The following FGF14 variants were observed in gnomAD, a reference collection of about 807,000 sequenced individuals.
FGF14 encodes fibroblast growth factor 14.
Under a neutral mutation model 25.5 loss-of-function variants are expected in FGF14, and 5 were observed. The ratio of observed to expected loss-of-function variants is 0.20; its 90% CI spans 0.10 to 0.41. The LOEUF (loss-of-function observed/expected upper bound fraction) is 0.41. Ranked by LOEUF, FGF14 falls within the 10% of genes least tolerant of loss-of-function variation. The pLI is 1.00. For synonymous variants in FGF14, 138 were observed against 118.3 expected, an observed-to-expected ratio of 1.17 and a Z score of -1.08; for missense variants, 222 against 320.1, an observed-to-expected ratio of 0.69 and a Z score of 2.34.
chr13:102,374,831 A>G (rs10162083), intron 1 of FGF14, among the ~76,000 whole-genome samples: 3,851 of 151,380 alleles, frequency 0.025, 176 homozygotes, highest in African/African-American at 0.089. Context: ...AAGTGATTCA[A>G]GAGATATAGG....
chr13:102,263,114 T>A, intron 1 of FGF14: 2 of 628,092 alleles, frequency 3.2e-6, no homozygotes, highest in South Asian at 2.8e-5. Flanking sequence ...AGTTTTCGTC[T>A]AAATCCACTG....
intron 2 of FGF14, among the ~76,000 whole-genome samples, chr13:101,869,128 CATTA>C (rs1409998379): frequency 2.0e-5 from 3 of 152,156 alleles, no homozygotes; most frequent in Admixed American, 1.3e-4. Flanking sequence ...TCTCTGACAC[CATTA>C]GATACCAAAA....
intron 1 of FGF14, among the ~76,000 whole-genome samples, chr13:101,997,588 G>A (rs2039252110): frequency 6.6e-6 from 1 of 152,182 alleles, no homozygotes; most frequent in Non-Finnish European, 1.5e-5. Context: ...TTCTGATTCA[G>A]TAGGTCTGGG....
At chr13:102,256,626 A>G (rs2052453392) in intron 1 of FGF14, among the ~76,000 whole-genome samples, 1 of 152,218 alleles carries the variant, frequency 6.6e-6, no homozygotes, top group Admixed American at 6.5e-5. Context: ...CTAAAGAGTT[A>G]ACACATCTTC....
intron 3 of FGF14, among the ~76,000 whole-genome samples, chr13:101,812,827 C>G (rs1311634050): frequency 6.6e-6 from 1 of 151,172 alleles, no homozygotes; most frequent in East Asian, 2.0e-4. Context: ...CCACCACACC[C>G]AGCTACTTTT....
chr13:101,854,820 G>A (rs1419062863), intron 3 of FGF14, among the ~76,000 whole-genome samples: 2 of 151,974 alleles, frequency 1.3e-5, no homozygotes, highest in Non-Finnish European at 2.9e-5. Context: ...CCTTTGAAGA[G>A]TTAAAAATAT....
chr13:102,326,686 A>G (rs1261196968), intron 1 of FGF14, among the ~76,000 whole-genome samples: 1 of 59,482 alleles, frequency 1.7e-5, no homozygotes, highest in African/African-American at 8.1e-5. Context: ...AAGGGAAGGG[A>G]AGGGAAGGGA....
At chr13:102,315,146 A>ATC (rs2055959684) in intron 1 of FGF14, among the ~76,000 whole-genome samples, 2 of 152,084 alleles carry the variant, frequency 1.3e-5, no homozygotes, top group Non-Finnish European at 2.9e-5. Context: ...TGAATATTAT[A>ATC]TCACACACAC....
At chr13:102,225,333 C>T (rs1330005629) in intron 1 of FGF14, among the ~76,000 whole-genome samples, 6 of 152,194 alleles carry the variant, frequency 3.9e-5, no homozygotes, top group Non-Finnish European at 8.8e-5. Flanking sequence ...TTCAAGGTGA[C>T]ATTGCTAGAC....
intron 1 of FGF14, among the ~76,000 whole-genome samples, chr13:102,176,849 A>G (rs2140719951): frequency 6.6e-6 from 1 of 152,100 alleles, no homozygotes; most frequent in East Asian, 1.9e-4. Flanking sequence ...AATTGTAAAC[A>G]TTAAACGTGT....
intron 1 of FGF14, among the ~76,000 whole-genome samples, chr13:102,182,503 T>C (rs1339369515): frequency 6.6e-6 from 1 of 152,150 alleles, no homozygotes; most frequent in African/African-American, 2.4e-5. Context: ...AATAGATTTG[T>C]ATTACAAAAA....
At chr13:102,344,112 G>A (rs958372030) in intron 1 of FGF14, among the ~76,000 whole-genome samples, 2 of 152,170 alleles carry the variant, frequency 1.3e-5, no homozygotes, top group African/African-American at 4.8e-5. Flanking sequence ...AAGAAGGCAT[G>A]AAACTCAATC....
At chr13:101,799,021 G>T (rs2040717633) in intron 3 of FGF14, among the ~76,000 whole-genome samples, 1 of 152,046 alleles carries the variant, frequency 6.6e-6, no homozygotes, top group Non-Finnish European at 1.5e-5. Flanking sequence ...TTAATCTAAG[G>T]TAAAGATTGC....
intron 1 of FGF14, among the ~76,000 whole-genome samples, chr13:102,038,854 A>C (rs1717203067): frequency 6.6e-6 from 1 of 152,180 alleles, no homozygotes; most frequent in Non-Finnish European, 1.5e-5. Flanking sequence ...AAGTTTTTAA[A>C]GTATTACATT....
intron 3 of FGF14, 113 bp from the exon 4 acceptor site, chr13:101,726,923 G>A (rs2035477017): frequency 1.3e-6 from 1 of 761,832 alleles, no homozygotes; most frequent in African/African-American, 1.7e-5. Context: ...TTGGCATGGA[G>A]GACCGGATAT....
At chr13:102,241,152 G>C (rs1336726) in intron 1 of FGF14, among the ~76,000 whole-genome samples, 51,218 of 151,930 alleles carry the variant, frequency 0.34, 8,990 homozygotes, top group Admixed American at 0.44. Context: ...GATCATTGTA[G>C]AGAAAGGGGC....
intron 1 of FGF14, among the ~76,000 whole-genome samples, chr13:102,340,797 G>T (rs919362246): frequency 6.6e-6 from 1 of 152,148 alleles, no homozygotes; most frequent in African/African-American, 2.4e-5. Context: ...ACTTTCGTGG[G>T]CTTTCAGAGT....
At chr13:101,789,987 T>C (rs78166721) in intron 3 of FGF14, among the ~76,000 whole-genome samples, 4,216 of 151,880 alleles carry the variant, frequency 0.028, 101 homozygotes, top group Non-Finnish European at 0.038. Flanking sequence ...CTTCTTCTCC[T>C]TGCTTTTGGT....
chr13:101,943,844 T>TATA (rs2035623885), intron 1 of FGF14, among the ~76,000 whole-genome samples: 1 of 146,180 alleles, frequency 6.8e-6, no homozygotes, highest in African/African-American at 2.5e-5. Flanking sequence ...TATATATATA[T>TATA]TCACAAAATT....
Sources: allele counts gnomAD v4.1 joint callset (sites outside exome capture counted in the v4.1 genomes callset), GRCh38; gene constraint gnomAD v4.1.1; transcripts MANE v1.5; gene names NCBI Gene and HGNC (gene_info 2026-07-23, HGNC 2026-07-21).